THADA: variants seen among roughly 807,000 people sequenced by gnomAD.
THADA encodes the protein THADA armadillo repeat containing.
In THADA, 213 loss-of-function variants were observed where a neutral mutation model predicts 219.8. The observed-to-expected ratio is 0.97, with a 90% CI of 0.87 to 1.09. The LOEUF (loss-of-function observed/expected upper bound fraction) is 1.09. Among genes scored for constraint, THADA ranks in the 50% least tolerant of loss-of-function variants. THADA has a pLI of 0.00. For missense variants in THADA, 2,956 were observed against 2,311.3 expected, an observed-to-expected ratio of 1.28 and a Z score of -5.72; for synonymous variants, 1,018 against 828.9, an observed-to-expected ratio of 1.23 and a Z score of -3.92.
At chr2:43,385,382 G>A (rs1028218619) in intron 29 of THADA, among the ~76,000 whole-genome samples, 8 of 151,892 alleles carry the variant, frequency 5.3e-5, no homozygotes, top group East Asian at 1.9e-4. Flanking sequence ...CGAGGCAGGC[G>A]GATCACGAGG....
At chr2:43,443,293 GT>G (rs1222526111) in intron 26 of THADA, among the ~76,000 whole-genome samples, 1 of 152,200 alleles carries the variant, frequency 6.6e-6, no homozygotes, top group African/African-American at 2.4e-5. Context: ...GACCAAGATA[GT>G]AACACATTAA....
intron 26 of THADA, among the ~76,000 whole-genome samples, chr2:43,458,561 C>G (rs1375838402): frequency 6.6e-6 from 1 of 152,026 alleles, no homozygotes; most frequent in Admixed American, 6.5e-5. Context: ...CTGATTCGAC[C>G]GCCTATCTCT....
intron 30 of THADA, among the ~76,000 whole-genome samples, chr2:43,322,622 G>A (rs1315117958): frequency 2.0e-5 from 3 of 148,998 alleles, no homozygotes; most frequent in Admixed American, 1.3e-4. Context: ...TACTGTTCTC[G>A]AGGCAACCGC....
At chr2:43,590,162 TC>T (rs1701406145) in intron 4 of THADA, among the ~76,000 whole-genome samples, 2 of 152,210 alleles carry the variant, frequency 1.3e-5, no homozygotes, top group South Asian at 4.1e-4. Flanking sequence ...TTTGTATAGT[TC>T]TATATCATTT....
At chr2:43,395,865 C>T (rs1285693200) in intron 29 of THADA, among the ~76,000 whole-genome samples, 1 of 152,160 alleles carries the variant, frequency 6.6e-6, no homozygotes, top group African/African-American at 2.4e-5. Flanking sequence ...AATTCTCGTG[C>T]CTCAGCCTTC....
chr2:43,410,321 AT>A (rs1042544092), intron 28 of THADA, among the ~76,000 whole-genome samples: 1 of 152,182 alleles, frequency 6.6e-6, no homozygotes, highest in Non-Finnish European at 1.5e-5. Flanking sequence ...CTGGAAGACA[AT>A]TTGGCAGTTT....
intron 17 of THADA, 35 bp downstream of exon 17, chr2:43,556,310 T>C (rs1345330258): frequency 1.9e-6 from 3 of 1,607,578 alleles, no homozygotes; most frequent in African/African-American, 2.7e-5. Flanking sequence ...GAGACTAAGC[T>C]ATTCGTTTTG....
chr2:43,420,702 A>G (rs551497104), intron 28 of THADA, among the ~76,000 whole-genome samples: 1 of 152,258 alleles, frequency 6.6e-6, no homozygotes, highest in Non-Finnish European at 1.5e-5. Context: ...GGTCTTAAAG[A>G]GATCTGGCAC....
intron 26 of THADA, among the ~76,000 whole-genome samples, chr2:43,431,310 C>T (rs1402242201): frequency 1.3e-5 from 2 of 152,164 alleles, no homozygotes; most frequent in African/African-American, 2.4e-5. Context: ...ATCCACACCC[C>T]TATCAAGACT....
At chr2:43,457,526 T>C (rs934524290) in intron 26 of THADA, among the ~76,000 whole-genome samples, 1 of 152,066 alleles carries the variant, frequency 6.6e-6, no homozygotes, top group African/African-American at 2.4e-5. Context: ...CCTAGAAAAA[T>C]GACTGATACA....
chr2:43,583,696 T>G (rs1336634682), intron 7 of THADA, among the ~76,000 whole-genome samples: 1 of 152,160 alleles, frequency 6.6e-6, no homozygotes, highest in African/African-American at 2.4e-5. Flanking sequence ...ACATGTGGTC[T>G]AAACATACAA....
At chr2:43,516,709 T>C (rs1056182057) in intron 22 of THADA, among the ~76,000 whole-genome samples, 3 of 152,144 alleles carry the variant, frequency 2.0e-5, no homozygotes, top group Non-Finnish European at 4.4e-5. Context: ...AGCCCTTGCC[T>C]AATAAAAAGG....
chr2:43,353,918 C>T (rs906132577), intron 29 of THADA, among the ~76,000 whole-genome samples: 26 of 151,848 alleles, frequency 1.7e-4, no homozygotes, highest in African/African-American at 6.3e-4. Context: ...CCCAGGTTCA[C>T]GCCATTCTCC....
chr2:43,529,915 C>A (rs1168436541), intron 21 of THADA, among the ~76,000 whole-genome samples: 2 of 152,142 alleles, frequency 1.3e-5, no homozygotes, highest in Non-Finnish European at 2.9e-5. Context: ...ATTTAGGACA[C>A]AGGTTGTTGT....
At chr2:43,257,112 G>A (rs553192348) in intron 36 of THADA, among the ~76,000 whole-genome samples, 3 of 152,272 alleles carry the variant, frequency 2.0e-5, no homozygotes, top group African/African-American at 7.2e-5. Flanking sequence ...TGGAGAGGGG[G>A]GATGGAAAAA....
chr2:43,231,081 C>G lies in THADA; in HGVS notation c.5729G>C (p.Arg1910Thr). The G allele has an allele frequency of 1.2e-6, 2 of 1,613,994 alleles. No individual in the cohort carries two copies. Among genetic ancestry groups the G allele is most frequent in the East Asian group, 2.2e-5 (1 of 44,884 alleles). ...EFTRLRIQEE[R>T]TLACLRLLAF... ...CAGCAGCCTCAAGCAAGCCAAAGTC[C>G]TTTCCTCTTGAATGCGTAGTCTTGT... Residue 1910 changes from arginine to threonine, a missense_variant, in exon 38 of 38, where the codon AGG becomes ACG. By Grantham distance (71) the Arg-to-Thr change is moderately conservative. Coordinates refer to ENST00000405975, the MANE Select transcript of THADA (RefSeq NM_022065.5).
chr2:43,548,246 C>A (rs1382748976), intron 20 of THADA, among the ~76,000 whole-genome samples: 3 of 152,188 alleles, frequency 2.0e-5, no homozygotes, highest in Non-Finnish European at 4.4e-5. Context: ...AGAGGGGTAC[C>A]CGGCCATGTG....
chr2:43,315,233 A>G (rs1165302751), intron 31 of THADA, among the ~76,000 whole-genome samples: 1 of 152,248 alleles, frequency 6.6e-6, no homozygotes, highest in Non-Finnish European at 1.5e-5. Context: ...GTATATACAC[A>G]TAATGAAACA....
intron 4 of THADA, 108 bp from the exon 5 acceptor site, chr2:43,587,110 A>AC: frequency 8.5e-7 from 1 of 1,175,414 alleles, no homozygotes; most frequent in Non-Finnish European, 1.2e-6. Flanking sequence ...AATCTTCAAA[A>AC]TACAGCCAGA....
Sources: allele counts gnomAD v4.1 joint callset (sites outside exome capture counted in the v4.1 genomes callset), GRCh38; gene constraint gnomAD v4.1.1; transcripts MANE v1.5; gene names NCBI Gene and HGNC (gene_info 2026-07-23, HGNC 2026-07-21).